The following BANK1 variants were observed in gnomAD, a reference collection of about 807,000 sequenced individuals.
The protein encoded by BANK1 is B-cell scaffold protein with ankyrin repeats.
BANK1 carries 95 observed loss-of-function variants against 94.5 expected under a neutral mutation model. The ratio of observed to expected loss-of-function variants is 1.00; its 90% CI spans 0.85 to 1.19. The LOEUF (loss-of-function observed/expected upper bound fraction) is 1.19. BANK1 is among the 50% of genes most tolerant of loss of function. The pLI, the probability that BANK1 is intolerant of heterozygous loss-of-function variation, is 0.00. For synonymous variants in BANK1, 334 were observed against 308.4 expected, an observed-to-expected ratio of 1.08 and a Z score of -0.87; for missense variants, 987 against 932.2, an observed-to-expected ratio of 1.06 and a Z score of -0.77.
chr4:101,893,307 A>G (rs1240723289), intron 5 of BANK1, among the ~76,000 whole-genome samples: 1 of 152,022 alleles, frequency 6.6e-6, no homozygotes, highest in Non-Finnish European at 1.5e-5. Flanking sequence ...AGAGTCTCAG[A>G]TCTGGAAGGA....
intron 2 of BANK1, among the ~76,000 whole-genome samples, chr4:101,843,497 T>G (rs1264491235): frequency 6.6e-6 from 1 of 152,222 alleles, no homozygotes; most frequent in Non-Finnish European, 1.5e-5. Context: ...ATTATTATAT[T>G]CAAATGTTAG....
chr4:101,838,748 C>T (rs1396444681), intron 2 of BANK1, among the ~76,000 whole-genome samples: 6 of 152,184 alleles, frequency 3.9e-5, no homozygotes, highest in Admixed American at 3.9e-4. Context: ...GGAGATCATA[C>T]CTTTGAGCTG....
At chr4:102,021,125 A>C (rs1449451889) in intron 7 of BANK1, among the ~76,000 whole-genome samples, 1 of 148,800 alleles carries the variant, frequency 6.7e-6, no homozygotes, top group Non-Finnish European at 1.5e-5. Context: ...CAGTAATTGT[A>C]ATTAAGAATA....
At chr4:101,962,164 TA>T (rs1724592384) in intron 7 of BANK1, among the ~76,000 whole-genome samples, 1 of 152,160 alleles carries the variant, frequency 6.6e-6, no homozygotes, top group African/African-American at 2.4e-5. Context: ...TCAATAACTC[TA>T]TGTCAATCAC....
Position 102,021,511 on chromosome 4 carries a change from C to A in BANK1, c.1207-3C>A. On this transcript the variant is annotated splice_region_variant and splice_polypyrimidine_tract_variant and intron_variant, in intron 7 of 16. Coordinates refer to ENST00000322953, the MANE Select transcript of BANK1 (RefSeq NM_017935.5). ...ATATTATTAAAAATTACATTTTTTTCAGATCCAAGAAATTGACATAAATAA... is the reference window on the plus strand; with the variant it reads ...ATATTATTAAAAATTACATTTTTTTAAGATCCAAGAAATTGACATAAATAA... 7.2e-7 allele frequency: 1 copy of A among 1,383,342 alleles called. No individual in the cohort carries two copies. Among genetic ancestry groups the A allele is most frequent in the East Asian group, 2.5e-5 (1 of 40,172 alleles). 85.7% of individuals were successfully genotyped at this position (1,383,342 alleles called of 1,614,324 possible).
chr4:101,858,002 T>C (rs1317492938), intron 3 of BANK1, among the ~76,000 whole-genome samples: 1 of 152,186 alleles, frequency 6.6e-6, no homozygotes, highest in African/African-American at 2.4e-5. Context: ...CCCAAATGCA[T>C]CCACTGTTCA....
chr4:102,043,206 T>C (rs1008081252), intron 10 of BANK1, among the ~76,000 whole-genome samples: 39 of 152,130 alleles, frequency 2.6e-4, no homozygotes, highest in African/African-American at 9.1e-4. Context: ...TCAATAAATA[T>C]CAAACAATCA....
chr4:102,063,445 A>G (rs1389793794), intron 13 of BANK1, among the ~76,000 whole-genome samples: 1 of 152,074 alleles, frequency 6.6e-6, no homozygotes, highest in Admixed American at 6.6e-5. Flanking sequence ...TATAAATATA[A>G]TAAATGCTTG....
chr4:101,925,045 C>G (rs1177235636), intron 7 of BANK1, among the ~76,000 whole-genome samples: 1 of 151,584 alleles, frequency 6.6e-6, no homozygotes, highest in African/African-American at 2.4e-5. Context: ...GGCACTTTGT[C>G]CTAGCAACAG....
rs73834561 is a variant in BANK1 at position 102,021,359 on chromosome 4, T to G, written c.1207-155T>G. Among the ~76,000 whole-genome samples, 7,837 of 152,176 alleles carry G rather than the reference T, an allele frequency of 0.051. 219 individuals carry two copies. Among genetic ancestry groups the G allele is most frequent in the East Asian group, 0.1 (531 of 5,188 alleles). On this transcript the variant is annotated intron_variant, in intron 7 of 16. Coordinates refer to ENST00000322953, the MANE Select transcript of BANK1 (RefSeq NM_017935.5). ...TTCCCTCGTTATACTTTTAGTACTA[T>G]GTGCCATTGAGCATTTATAGATGGC...
intron 1 of BANK1, among the ~76,000 whole-genome samples, chr4:101,828,929 C>T (rs2148862846): frequency 6.6e-6 from 1 of 151,980 alleles, no homozygotes; most frequent in South Asian, 2.1e-4. Flanking sequence ...GTGGCATAAT[C>T]TCCGCTCACT....
At chr4:101,885,236 C>CA in intron 5 of BANK1, among the ~76,000 whole-genome samples, 1 of 152,304 alleles carries the variant, frequency 6.6e-6, no homozygotes, top group African/African-American at 2.4e-5. Flanking sequence ...CTTTTACAAA[C>CA]AAAGTTCTCA....
chr4:102,040,275 A>G (rs1201689877), intron 10 of BANK1, among the ~76,000 whole-genome samples: 2 of 152,082 alleles, frequency 1.3e-5, no homozygotes, highest in Admixed American at 6.6e-5. Context: ...TTTCCATTCA[A>G]TGTCATATTC....
chr4:102,074,406 A>G lies in BANK1; in HGVS notation c.*407A>G, dbSNP rs1238717566. ...TCCTTAGAATAACCATGAAAATACA[A>G]ATTTACTTAGCACATTTTTGCTTTT... On this transcript the variant is annotated 3_prime_UTR_variant, in exon 17 of 17. Coordinates refer to ENST00000322953, the MANE Select transcript of BANK1 (RefSeq NM_017935.5). The G allele has an allele frequency of 6.6e-6, 1 of 151,976 alleles. No homozygotes were observed. The highest frequency in any genetic ancestry group is 1.9e-4 in the East Asian group (1 of 5,196). 9.4% of individuals were successfully genotyped at this position (151,976 alleles called of 1,614,324 possible).
At position 102,019,488 on chromosome 4, in the gene BANK1, T is replaced by G. The variant is rs1002584942; in HGVS notation, c.1207-2026T>G. 5.9e-5 allele frequency among the ~76,000 whole-genome samples: 9 copies of G among 152,210 alleles called. 1 individual carries two copies. Among genetic ancestry groups the G allele is most frequent in the African/African-American group, 2.2e-4 (9 of 41,456 alleles). On this transcript the variant is annotated intron_variant, in intron 7 of 16. Coordinates refer to ENST00000322953, the MANE Select transcript of BANK1 (RefSeq NM_017935.5). ...GATGACATAGATATTACTATCCACA[T>G]TTTGCAGGATATAATATTGAGGCTT...
chr4:101,889,604 CAAAAAAAAAAA>C (rs59341810), intron 5 of BANK1, among the ~76,000 whole-genome samples: 1 of 54,914 alleles, frequency 1.8e-5, no homozygotes, highest in African/African-American at 7.0e-5. Flanking sequence ...GACTCCGTCT[CAAAAAAAAAAA>C]AAAAAAAAAA....
At chr4:101,940,727 C>T (rs1723713854) in intron 7 of BANK1, among the ~76,000 whole-genome samples, 1 of 151,716 alleles carries the variant, frequency 6.6e-6, no homozygotes, top group Non-Finnish European at 1.5e-5. Context: ...AGGAGAAAGA[C>T]CATGGAGGTG....
chr4:101,819,361 G>C (rs902541420), intron 1 of BANK1, among the ~76,000 whole-genome samples: 10 of 152,124 alleles, frequency 6.6e-5, no homozygotes, highest in African/African-American at 2.4e-4. Context: ...GCTCCCCTCA[G>C]TCAAAGTCCT....
At chr4:101,840,747 G>T (rs1010876495) in intron 2 of BANK1, among the ~76,000 whole-genome samples, 2 of 152,180 alleles carry the variant, frequency 1.3e-5, no homozygotes, top group Admixed American at 1.3e-4. Flanking sequence ...TCTGAAGGCT[G>T]TGAGACCCCT....
Sources: gnomAD v4.1 joint callset for allele counts (sites outside exome capture counted in the v4.1 genomes callset) on GRCh38, gnomAD v4.1.1 for gene constraint, MANE v1.5 for transcripts, NCBI Gene and HGNC (gene_info 2026-07-23, HGNC 2026-07-21) for gene names.